WSB1: variants seen among roughly 807,000 people sequenced by gnomAD.
WSB1 encodes the protein WD repeat and SOCS box-containing protein 1.
WSB1 carries 23 observed loss-of-function variants against 50.2 expected under a neutral mutation model. That is an observed-to-expected ratio of 0.46 (90% CI 0.33 to 0.65). WSB1 has a LOEUF of 0.65. WSB1 is among the 30% of genes least tolerant of loss of function. WSB1 has a pLI of 0.02. For synonymous variants in WSB1, 179 were observed against 172.0 expected (o/e 1.04, Z -0.32); for missense variants, 492 against 522.3 (o/e 0.94, Z 0.56).
Position 27,307,665 on chromosome 17 carries a change from A to C in WSB1, c.711+783A>C, listed in dbSNP as rs2017514708. 10 of 1,429,450 alleles carry C rather than the reference A, an allele frequency of 7.0e-6. 1 individual carries two copies. The highest frequency in any genetic ancestry group is 1.4e-5 in the African/African-American group (1 of 70,664). 88.5% of individuals were successfully genotyped at this position (1,429,450 alleles called of 1,614,324 possible). On this transcript the variant is annotated intron_variant, in intron 5 of 8. Transcript: ENST00000262394. The stretch of plus-strand genomic sequence containing the variant: ...CTCAGTTTAGTTCTTTACAAATCAT[A>C]AGAAGAACAAAATTAGATGTTGACA...
chr17:27,313,455 A>C lies in WSB1; in HGVS notation c.*1086A>C, dbSNP rs1299463767. 2 of 152,048 alleles carry C rather than the reference A, an allele frequency of 1.3e-5. No homozygotes were observed. Among genetic ancestry groups the C allele is most frequent in the African/African-American group, 4.8e-5 (2 of 41,312 alleles). 9.4% of individuals were successfully genotyped at this position (152,048 alleles called of 1,614,324 possible). A position where few individuals can be genotyped will look rare whatever the true frequency, so the allele number is the denominator to read the frequency against. ...CATGGATTTAAAAAAAAAAAAAAAA[A>C]CTCTGTTTCTGCAGGGGATGATATT... On this transcript the variant is annotated 3_prime_UTR_variant, in exon 9 of 9. Transcript: ENST00000262394.
chr17:27,311,201 T>G (rs2017664594), intron 7 of WSB1, among the ~76,000 whole-genome samples: 2 of 152,150 alleles, frequency 1.3e-5, no homozygotes, highest in Admixed American at 1.3e-4. Context: ...AGAAGTTGAT[T>G]GTATTGTAAG....
intron 7 of WSB1, 69 bp from the exon 8 acceptor site, chr17:27,311,440 T>A: frequency 7.7e-7 from 1 of 1,300,962 alleles, no homozygotes; most frequent in Admixed American, 2.3e-5. Context: ...CATTTCTTTC[T>A]AAATTTTAAA....
intron 7 of WSB1, among the ~76,000 whole-genome samples, chr17:27,310,971 G>A (rs1171228357): frequency 5.9e-5 from 9 of 151,848 alleles, no homozygotes; most frequent in Admixed American, 2.0e-4. Context: ...TCAGCCTTCC[G>A]AGTATCTCAC....
intron 1 of WSB1, among the ~76,000 whole-genome samples, chr17:27,300,179 C>T (rs868649043): frequency 1.3e-5 from 1 of 78,736 alleles, no homozygotes; most frequent in Non-Finnish European, 2.5e-5. Context: ...GTGGGTGTGT[C>T]CATGTCCAGG....
intron 1 of WSB1, 157 bp from the exon 2 acceptor site, chr17:27,301,631 T>A (rs1239332233): frequency 1.6e-6 from 1 of 610,340 alleles, no homozygotes; most frequent in African/African-American, 1.9e-5. Context: ...GGGGTCTTCA[T>A]ATACTGCATA....
chr17:27,306,790 A>C lies in WSB1; in HGVS notation c.619A>C (p.Met207Leu). The C allele has an allele frequency of 1.2e-6, 2 of 1,614,116 alleles. No homozygotes were observed. The highest frequency in any genetic ancestry group is 3.3e-5 in the Admixed American group (2 of 60,008). Residue 207 changes from methionine (M) to leucine (L), a missense_variant, in exon 5 of 9, where the codon ATG becomes CTG. By Grantham distance (15) the Met-to-Leu change is conservative. Transcript: ENST00000262394. ...VWDLKDDGNMMKVLRGHQNWV... is the reference protein window; with the variant it reads ...VWDLKDDGNMLKVLRGHQNWV... ...TATTTCTTTTTGTTCAGGAAACATG[A>C]TGAAAGTATTGAGGGGGCATCAGAA...
intron 5 of WSB1, chr17:27,307,740 A>G (rs2017517726): frequency 6.5e-7 from 1 of 1,534,508 alleles, no homozygotes; most frequent in Admixed American, 2.0e-5. Flanking sequence ...TTTCCCTGTC[A>G]CAGGTGGTGG....
Position 27,306,774 on chromosome 17 carries a change from T to G in WSB1, c.611-8T>G. ...TAGGGTTAATACAGATTATTTCTTT[T>G]TGTTCAGGAAACATGATGAAAGTAT... On this transcript the variant is annotated splice_polypyrimidine_tract_variant and splice_region_variant and intron_variant, in intron 4 of 8. Coordinates refer to ENST00000262394, the MANE Select transcript of WSB1 (RefSeq NM_015626.10). 1 of 1,613,836 alleles carries G rather than the reference T, an allele frequency of 6.2e-7. No individual in the cohort carries two copies. Among genetic ancestry groups the G allele is most frequent in the Non-Finnish European group, 8.5e-7 (1 of 1,179,842 alleles).
At chr17:27,304,592 G>A (rs1293478984) in intron 3 of WSB1, among the ~76,000 whole-genome samples, 188 bp from the exon 4 acceptor site, 2 of 141,188 alleles carry the variant, frequency 1.4e-5, no homozygotes, top group African/African-American at 5.4e-5. Flanking sequence ...TGTAACTGTA[G>A]TTCCAACTAT....
rs10660665 is a variant in WSB1, at chr17:27,304,535, C to CAAAAA, written c.479-220_479-216dup. Among the ~76,000 whole-genome samples, 42 of 38,694 alleles carry CAAAAA rather than the reference C, an allele frequency of 1.1e-3. 7 individuals carry two copies. The highest frequency in any genetic ancestry group is 3.7e-3 in the African/African-American group (33 of 8,968). The allele number at this position is 38,694 out of a possible 152,430, so 25.4% of individuals were successfully genotyped here. On this transcript the variant is annotated intron_variant, in intron 3 of 8. Coordinates refer to ENST00000262394, the MANE Select transcript of WSB1 (RefSeq NM_015626.10). ...GCAACATAGTGAGACTCCATCTCTC[C>CAAAAA]AAAAAAAAAAAAAAAAAAAAAAAAA...
Position 27,303,795 on chromosome 17 carries a change from C to T in WSB1, c.478+160C>T, listed in dbSNP as rs142070900. ...TAGACCTGAATGTCACCTTCTTCAGCTCATGATTTTAATTTAGGAAAACTA... is the reference window on the plus strand; with the variant it reads ...TAGACCTGAATGTCACCTTCTTCAGTTCATGATTTTAATTTAGGAAAACTA... On this transcript the variant is annotated intron_variant, in intron 3 of 8. Transcript: ENST00000262394. 3.4e-3 allele frequency: 2,862 copies of T among 842,738 alleles called. 8 individuals are homozygous for T. Among genetic ancestry groups the T allele is most frequent in the Non-Finnish European group, 4.3e-3 (2,379 of 554,482 alleles). 52.2% of individuals were successfully genotyped at this position (842,738 alleles called of 1,614,324 possible). A position where few individuals can be genotyped will look rare whatever the true frequency, so the allele number is the denominator to read the frequency against.
At chr17:27,295,974 A>T (rs573394150) in intron 1 of WSB1, among the ~76,000 whole-genome samples, 31 of 151,968 alleles carry the variant, frequency 2.0e-4, no homozygotes, top group African/African-American at 7.2e-4. Flanking sequence ...AGTAGGTGGG[A>T]TTACAGGCAT....
intron 1 of WSB1, among the ~76,000 whole-genome samples, chr17:27,301,536 T>A (rs1236721597): frequency 6.6e-6 from 1 of 152,192 alleles, no homozygotes; most frequent in East Asian, 1.9e-4. Flanking sequence ...CAGTTTTTTT[T>A]ACGGAAACTT....
At chr17:27,307,892 G>A (rs1294651285) in intron 5 of WSB1, 26 of 1,441,240 alleles carry the variant, frequency 1.8e-5, no homozygotes, top group South Asian at 5.9e-5. Context: ...CCTTGCATTC[G>A]GCTGCAAGGT....
At position 27,311,417 on chromosome 17, in the gene WSB1, CAT is replaced by C. The variant is rs1260752597; in HGVS notation, c.999-90_999-89del. The C allele has an allele frequency of 5.4e-6, 5 of 921,170 alleles. No homozygotes were observed. The African/African-American group carries it at 6.7e-5, about 12-fold the overall frequency. The allele number at this position is 921,170 out of a possible 1,614,324, so 57.1% of individuals were successfully genotyped here. On this transcript the variant is annotated intron_variant, in intron 7 of 8. Coordinates refer to ENST00000262394, the MANE Select transcript of WSB1 (RefSeq NM_015626.10). ...GGTGTGATGTGTGTATTTTGTGACT[CAT>C]AACTCAATGGCATTTCTTTCTAAAT...
chr17:27,306,274 G>A (rs1477768052), intron 4 of WSB1, among the ~76,000 whole-genome samples: 7 of 142,490 alleles, frequency 4.9e-5, no homozygotes, highest in South Asian at 2.3e-4. Context: ...GTGCAGCGGC[G>A]TGATCTCCGC....
intron 5 of WSB1, chr17:27,307,798 G>T: frequency 6.5e-7 from 1 of 1,531,364 alleles, no homozygotes; most frequent in South Asian, 1.2e-5. Context: ...CTCGCACACA[G>T]GCGCACAATG....
At chr17:27,295,441 A>G (rs1321922853) in intron 1 of WSB1, among the ~76,000 whole-genome samples, 1 of 152,168 alleles carries the variant, frequency 6.6e-6, no homozygotes, top group Non-Finnish European at 1.5e-5. Flanking sequence ...GAATTTTTAT[A>G]TCTAGAAACA....
Sources: allele counts gnomAD v4.1 joint callset (sites outside exome capture counted in the v4.1 genomes callset), GRCh38; gene constraint gnomAD v4.1.1; transcripts MANE v1.5; gene names NCBI Gene and HGNC (gene_info 2026-07-23, HGNC 2026-07-21).